FBXL17: variants seen among roughly 807,000 people sequenced by gnomAD.
The protein encoded by FBXL17 is F-box/LRR-repeat protein 17.
Under a neutral mutation model 66.2 loss-of-function variants are expected in FBXL17, and 22 were observed. The observed-to-expected ratio is 0.33, with a 90% CI of 0.24 to 0.47. The LOEUF (loss-of-function observed/expected upper bound fraction) is 0.47. FBXL17 is among the 20% of genes least tolerant of loss of function. The probability of loss-of-function intolerance (pLI) is 1.00; values close to 1 mark genes in which losing one functional copy is unlikely to be tolerated. For synonymous variants in FBXL17, 474 were observed against 400.5 expected (o/e 1.18, Z -2.19); for missense variants, 878 against 948.2 (o/e 0.93, Z 0.97).
In FBXL17 at chr5:108,380,772, G is replaced by A. The variant is rs1460138112; in HGVS notation, c.920C>T (p.Pro307Leu). Residue 307 changes from proline (P) to leucine (L), a missense_variant, in exon 1 of 9, where the codon CCC becomes CTC. Pro to Leu is a moderately conservative substitution (Grantham distance 98). Transcript: ENST00000542267. Reference sequence around the variant, plus strand: ...GGGCGGCTCCCTGTGACAGTCGCAGGGGTTTTCGGGGGACTCCCGACAGTC... The same window carrying A: ...GGGCGGCTCCCTGTGACAGTCGCAGAGGTTTTCGGGGGACTCCCGACAGTC... ...DADCRESPEN[P>L]CDCHREPPPE... is the part of the protein sequence containing the mutation. 5.6e-6 allele frequency: 7 copies of A among 1,248,678 alleles called. No homozygotes were observed. Among genetic ancestry groups the A allele is most frequent in the Admixed American group, 8.4e-5 (2 of 23,732 alleles). 77.3% of individuals were successfully genotyped at this position (1,248,678 alleles called of 1,614,324 possible). A position where few individuals can be genotyped will look rare whatever the true frequency, so the allele number is the denominator to read the frequency against.
Position 108,381,846 on chromosome 5 carries a change from GGGGGGT to G in FBXL17, c.-161_-156del, listed in dbSNP as rs1164260722. On this transcript the variant is annotated 5_prime_UTR_variant, in exon 1 of 9. Coordinates refer to ENST00000542267, the MANE Select transcript of FBXL17 (RefSeq NM_001163315.3). Reference sequence around the variant, plus strand: ...CACACACGGGCACACACGCGACGGTGGGGGGTGGGCGTCAGCTGCGGGCCGCCGGAG... The same window carrying G: ...CACACACGGGCACACACGCGACGGTGGGGCGTCAGCTGCGGGCCGCCGGAG... 2 of 1,297,694 alleles carry G rather than the reference GGGGGGT, an allele frequency of 1.5e-6. No individual in the cohort carries two copies. The highest frequency in any genetic ancestry group is 2.0e-6 in the Non-Finnish European group (2 of 1,023,598). The allele number at this position is 1,297,694 out of a possible 1,614,324, so 80.4% of individuals were successfully genotyped here.
At chr5:108,166,308 AAGCACCTGCCG>A (rs1337753695) in intron 6 of FBXL17, among the ~76,000 whole-genome samples, 3 of 152,228 alleles carry the variant, frequency 2.0e-5, no homozygotes, top group Non-Finnish European at 4.4e-5. Flanking sequence ...AAAGAAAAAT[AAGCACCTGCCG>A]GTGTCTTACC....
chr5:108,073,161 C>G (rs1748407579), intron 6 of FBXL17, among the ~76,000 whole-genome samples: 1 of 152,116 alleles, frequency 6.6e-6, no homozygotes, highest in South Asian at 2.1e-4. Context: ...GGCTATACTT[C>G]TAAACTGAGT....
intron 6 of FBXL17, among the ~76,000 whole-genome samples, chr5:108,039,088 C>G (rs1349132372): frequency 2.6e-5 from 4 of 151,980 alleles, no homozygotes; most frequent in Admixed American, 2.0e-4. Context: ...TGAACAAATA[C>G]TAATTCCTAC....
intron 6 of FBXL17, among the ~76,000 whole-genome samples, chr5:108,022,314 G>A (rs73778622): frequency 0.078 from 11,805 of 151,834 alleles, 1,540 homozygotes; most frequent in African/African-American, 0.27. Flanking sequence ...AAATTTTAAA[G>A]CCTAATTCCA....
intron 7 of FBXL17, among the ~76,000 whole-genome samples, chr5:107,940,868 G>T (rs998489323): frequency 6.6e-6 from 1 of 152,158 alleles, no homozygotes; most frequent in Non-Finnish European, 1.5e-5. Context: ...CATCCCCAGA[G>T]AATCAAATGC....
chr5:108,079,211 T>C (rs13176829), intron 6 of FBXL17, among the ~76,000 whole-genome samples: 6,334 of 151,738 alleles, frequency 0.042, 145 homozygotes, highest in Non-Finnish European at 0.049. Context: ...TTAGCCAACC[T>C]TCAGAGGAAA....
chr5:108,089,199 G>A (rs1472131447), intron 6 of FBXL17, among the ~76,000 whole-genome samples: 1 of 152,124 alleles, frequency 6.6e-6, no homozygotes, highest in Non-Finnish European at 1.5e-5. Context: ...GGACTGCAAT[G>A]GCCTTCTAAC....
chr5:108,212,611 T>C (rs550175368), intron 5 of FBXL17, among the ~76,000 whole-genome samples: 3 of 152,314 alleles, frequency 2.0e-5, no homozygotes, highest in East Asian at 3.9e-4. Context: ...GGTCCACCCC[T>C]GACCCTGTTT....
At position 108,274,225 on chromosome 5, in the gene FBXL17, T is replaced by C. The variant is rs555957855; in HGVS notation, c.1507-49997A>G. 3.4e-4 allele frequency among the ~76,000 whole-genome samples: 52 copies of C among 152,318 alleles called. No individual in the cohort carries two copies. In the South Asian group the frequency reaches 4.6e-3, roughly 13 times the overall value. On this transcript the variant is annotated intron_variant, in intron 4 of 8. Transcript: ENST00000542267. ...CTCTTCCTAATAAGCCTGGGCGTGCTACGGGAGACTGGAGTCTATCTCACC... is the reference window on the plus strand; with the variant it reads ...CTCTTCCTAATAAGCCTGGGCGTGCCACGGGAGACTGGAGTCTATCTCACC...
Position 108,350,894 on chromosome 5 carries a change from C to T in FBXL17, c.1375-2364G>A, listed in dbSNP as rs546116441. Among the ~76,000 whole-genome samples, 3 of 152,238 alleles carry T rather than the reference C, an allele frequency of 2.0e-5. No individual in the cohort carries two copies. In the South Asian group the frequency reaches 6.2e-4, roughly 32 times the overall value. On this transcript the variant is annotated intron_variant, in intron 3 of 8. Transcript: ENST00000542267. The stretch of plus-strand genomic sequence containing the variant: ...GAAAGAAAACATGACATCTGGGTAA[C>T]AGAAGATCTAACCCAACAGCAAGAG...
intron 7 of FBXL17, among the ~76,000 whole-genome samples, chr5:107,902,626 T>G (rs962369172): frequency 2.0e-4 from 30 of 152,158 alleles, no homozygotes; most frequent in African/African-American, 5.6e-4. Context: ...GAGGCTGTTC[T>G]CCTCCTTCTG....
chr5:107,994,628 A>C (rs1240772807), intron 7 of FBXL17, among the ~76,000 whole-genome samples: 1 of 152,132 alleles, frequency 6.6e-6, no homozygotes, highest in Non-Finnish European at 1.5e-5. Context: ...TTATGAGGTC[A>C]GGAGTTCAAG....
intron 4 of FBXL17, among the ~76,000 whole-genome samples, chr5:108,340,223 A>G (rs1424850230): frequency 6.6e-6 from 1 of 151,780 alleles, no homozygotes; most frequent in Admixed American, 6.6e-5. Flanking sequence ...GTAAAAATGT[A>G]TTTATTCTTC....
intron 5 of FBXL17, among the ~76,000 whole-genome samples, chr5:108,216,530 T>C (rs185433940): frequency 2.4e-3 from 366 of 152,352 alleles, no homozygotes; most frequent in Non-Finnish European, 3.6e-3. Context: ...AATGTCTTTT[T>C]AATTTTTTTA....
At chr5:108,201,413 G>T (rs115485350) in intron 5 of FBXL17, among the ~76,000 whole-genome samples, 1 of 152,044 alleles carries the variant, frequency 6.6e-6, no homozygotes, top group African/African-American at 2.4e-5. Context: ...CTGCCCAGGT[G>T]CAGTAAAAAT....
chr5:107,870,602 T>C (rs1748414003), intron 8 of FBXL17, among the ~76,000 whole-genome samples: 1 of 151,948 alleles, frequency 6.6e-6, no homozygotes, highest in Non-Finnish European at 1.5e-5. Flanking sequence ...TTTTTTTTTT[T>C]TTTGAGATGG....
At chr5:108,256,822 G>C in intron 4 of FBXL17, among the ~76,000 whole-genome samples, 1 of 151,334 alleles carries the variant, frequency 6.6e-6, no homozygotes, top group East Asian at 1.9e-4. Flanking sequence ...ACAAGTTTTT[G>C]TTTACCTGAG....
At chr5:107,993,884 T>A (rs183450246) in intron 7 of FBXL17, among the ~76,000 whole-genome samples, 73 of 152,322 alleles carry the variant, frequency 4.8e-4, no homozygotes, top group Middle Eastern at 3.4e-3. Context: ...ATAGAGCCTA[T>A]GTTACCAGAT....
Sources: allele counts gnomAD v4.1 joint callset (sites outside exome capture counted in the v4.1 genomes callset), GRCh38; gene constraint gnomAD v4.1.1; transcripts MANE v1.5; gene names NCBI Gene and HGNC (gene_info 2026-07-23, HGNC 2026-07-21).